MMP16: variants seen among roughly 807,000 people sequenced by gnomAD.
MMP16 encodes matrix metallopeptidase 16.
Under a neutral mutation model 67.8 loss-of-function variants are expected in MMP16, and 12 were observed. The ratio of observed to expected loss-of-function variants is 0.18; its 90% CI spans 0.11 to 0.29. MMP16 has a LOEUF of 0.29. Ranked by LOEUF, MMP16 falls within the 10% of genes least tolerant of loss-of-function variation. MMP16 has a pLI of 1.00. For missense variants in MMP16, 475 were observed against 765.7 expected (o/e 0.62, Z 4.48); for synonymous variants, 249 against 255.9 (o/e 0.97, Z 0.26).
intron 4 of MMP16, among the ~76,000 whole-genome samples, chr8:88,138,669 A>G (rs564276617): frequency 2.0e-4 from 31 of 152,070 alleles, no homozygotes; most frequent in African/African-American, 7.5e-4. Flanking sequence ...TCAACCCTCA[A>G]CCTGAAGTCT....
intron 1 of MMP16, among the ~76,000 whole-genome samples, chr8:88,298,185 G>A (rs1009480346): frequency 3.3e-5 from 5 of 152,156 alleles, no homozygotes; most frequent in African/African-American, 1.2e-4. Flanking sequence ...AAGGAAAAAT[G>A]GGGCAGGAAC....
chr8:88,140,384 C>T lies in MMP16; in HGVS notation c.710-21523G>A, dbSNP rs568773364. ...TTTTATGACCTAGTCTCAGAAGTCACGTAGCATCACTTCTACCACATTCTA... is the reference window on the plus strand; with the variant it reads ...TTTTATGACCTAGTCTCAGAAGTCATGTAGCATCACTTCTACCACATTCTA... On this transcript the variant is annotated intron_variant, in intron 4 of 9. Coordinates refer to ENST00000286614, the MANE Select transcript of MMP16 (RefSeq NM_005941.5). Among the ~76,000 whole-genome samples the T allele has an allele frequency of 4.5e-4, 69 of 152,252 alleles. 1 individual carries two copies. Among genetic ancestry groups the T allele is most frequent in the African/African-American group, 1.6e-3 (65 of 41,568 alleles).
chr8:88,248,355 T>A (rs893503885), intron 1 of MMP16, among the ~76,000 whole-genome samples: 1 of 152,048 alleles, frequency 6.6e-6, no homozygotes, highest in African/African-American at 2.4e-5. Context: ...TTCACCAGAT[T>A]GACTAAAGAG....
chr8:88,265,084 C>G (rs1177579852), intron 1 of MMP16, among the ~76,000 whole-genome samples: 1 of 152,122 alleles, frequency 6.6e-6, no homozygotes, highest in Non-Finnish European at 1.5e-5. Flanking sequence ...CCTAAAAACC[C>G]TTTGCTGTAA....
At chr8:88,046,885 G>T in intron 8 of MMP16, 101 bp from the exon 9 acceptor site, 2 of 692,456 alleles carry the variant, frequency 2.9e-6, no homozygotes, top group African/African-American at 1.8e-5. Flanking sequence ...GACCTTTGCT[G>T]TGTGCTTGAC....
chr8:88,091,148 A>G (rs977996991), intron 6 of MMP16, among the ~76,000 whole-genome samples: 2 of 151,848 alleles, frequency 1.3e-5, no homozygotes, highest in Admixed American at 1.3e-4. Context: ...TGATTAAAAA[A>G]TCAGATTTTC....
At chr8:88,321,093 A>AT (rs1485773558) in intron 1 of MMP16, among the ~76,000 whole-genome samples, 1 of 152,146 alleles carries the variant, frequency 6.6e-6, no homozygotes, top group African/African-American at 2.4e-5. Flanking sequence ...TTAGTATGGA[A>AT]TTTTTTATTG....
intron 8 of MMP16, among the ~76,000 whole-genome samples, chr8:88,052,641 T>C (rs1021252530): frequency 6.6e-6 from 1 of 152,222 alleles, no homozygotes; most frequent in Non-Finnish European, 1.5e-5. Context: ...TACAGGGCCC[T>C]GTGAAATCTG....
intron 1 of MMP16, among the ~76,000 whole-genome samples, chr8:88,265,333 T>C (rs1289463834): frequency 6.7e-6 from 1 of 148,384 alleles, no homozygotes; most frequent in Non-Finnish European, 1.5e-5. Context: ...TGACTCTGAA[T>C]CCATTCTGGA....
At chr8:88,262,461 T>A (rs192386021) in intron 1 of MMP16, among the ~76,000 whole-genome samples, 1 of 152,312 alleles carries the variant, frequency 6.6e-6, no homozygotes, top group East Asian at 1.9e-4. Flanking sequence ...TACTCACTTT[T>A]GTTTTACTGT....
chr8:88,084,216 T>C (rs1586142254), intron 6 of MMP16, among the ~76,000 whole-genome samples: 1 of 152,028 alleles, frequency 6.6e-6, no homozygotes, highest in South Asian at 2.1e-4. Flanking sequence ...CATCTTGATA[T>C]ATGCTCATAA....
chr8:88,180,522 A>C (rs980843938), intron 3 of MMP16, among the ~76,000 whole-genome samples: 2 of 152,124 alleles, frequency 1.3e-5, no homozygotes, highest in African/African-American at 2.4e-5. Flanking sequence ...ATAGAAAAGA[A>C]AATTATTGGG....
At chr8:88,224,261 TA>T (rs1487771215) in intron 1 of MMP16, among the ~76,000 whole-genome samples, 1 of 152,088 alleles carries the variant, frequency 6.6e-6, no homozygotes, top group Non-Finnish European at 1.5e-5. Context: ...AGTTTAATCT[TA>T]ATACCTCTTT....
At chr8:88,063,363 A>G (rs1184744251) in intron 7 of MMP16, among the ~76,000 whole-genome samples, 1 of 152,146 alleles carries the variant, frequency 6.6e-6, no homozygotes, top group Admixed American at 6.6e-5. Flanking sequence ...AGGCAACACA[A>G]AAAGTTCCTG....
At chr8:88,096,990 G>T (rs1403191352) in intron 6 of MMP16, among the ~76,000 whole-genome samples, 1 of 151,802 alleles carries the variant, frequency 6.6e-6, no homozygotes, top group African/African-American at 2.4e-5. Context: ...TGAAAGAAAA[G>T]ACATTCCTAG....
chr8:88,097,800 T>G (rs139557384), intron 6 of MMP16, among the ~76,000 whole-genome samples: 1 of 151,930 alleles, frequency 6.6e-6, no homozygotes, highest in East Asian at 2.0e-4. Context: ...AAGGAGGCCT[T>G]AATAGTTATA....
chr8:88,136,309 A>C (rs1318754187), intron 4 of MMP16, among the ~76,000 whole-genome samples: 1 of 151,888 alleles, frequency 6.6e-6, no homozygotes, highest in Non-Finnish European at 1.5e-5. Flanking sequence ...GCTTGACTAC[A>C]AACTGCAGAG....
At chr8:88,202,670 A>C (rs771392026) in intron 1 of MMP16, among the ~76,000 whole-genome samples, 1 of 152,114 alleles carries the variant, frequency 6.6e-6, no homozygotes, top group Non-Finnish European at 1.5e-5. Context: ...GTGACAAAAC[A>C]AGACCAAAAT....
At chr8:88,166,981 CG>C (rs1440239618) in intron 4 of MMP16, among the ~76,000 whole-genome samples, 2 of 151,626 alleles carry the variant, frequency 1.3e-5, no homozygotes, top group African/African-American at 4.8e-5. Flanking sequence ...TGGATCACCT[CG>C]TGAGAGTGGA....
Sources: gnomAD v4.1 joint callset for allele counts (sites outside exome capture counted in the v4.1 genomes callset) on GRCh38, gnomAD v4.1.1 for gene constraint, MANE v1.5 for transcripts, NCBI Gene and HGNC (gene_info 2026-07-23, HGNC 2026-07-21) for gene names.